Variants in FAT2 observed in about 807,000 individuals in gnomAD.
The protein encoded by FAT2 is FAT atypical cadherin 2, also known as protocadherin Fat 2.
In FAT2, 150 loss-of-function variants were observed where a neutral mutation model predicts 295.3. That is an observed-to-expected ratio of 0.51 (90% CI 0.44 to 0.58). The LOEUF (loss-of-function observed/expected upper bound fraction) is 0.58. Ranked by LOEUF, FAT2 falls within the 20% of genes least tolerant of loss-of-function variation. FAT2 has a pLI of 0.00. For synonymous variants in FAT2, 2,026 were observed against 2,150.3 expected, an observed-to-expected ratio of 0.94 and a Z score of 1.60; for missense variants, 4,868 against 5,442.7, an observed-to-expected ratio of 0.89 and a Z score of 3.32.
intron 4 of FAT2, 21 bp from the exon 5 acceptor site, chr5:151,554,694 G>A (rs2127631885): frequency 1.3e-6 from 2 of 1,585,024 alleles, no homozygotes; most frequent in Non-Finnish European, 1.7e-6. Context: ...AATTGAGCAT[G>A]AGCACCTGAG....
Position 151,567,064 on chromosome 5 carries a change from C to A in FAT2, c.1868G>T (p.Arg623Leu). 1 of 1,613,828 alleles carries A rather than the reference C, an allele frequency of 6.2e-7. No individual in the cohort carries two copies. Among genetic ancestry groups the A allele is most frequent in the African/African-American group, 1.3e-5 (1 of 74,970 alleles). The change falls in exon 2 of 24, where the codon CGC becomes CTC. Residue 623 changes from arginine (R) to leucine (L), a missense_variant. Physicochemically the swap from Arg to Leu is moderately radical, Grantham distance 102. This residue lies in a region of FAT2 where 3,297 missense variants were observed against 3,669.4 expected (regional missense o/e 0.90). Transcript: ENST00000261800. ...ACCAGCAGTAAGATTGATAAAAGGG[C>A]GTTTGAGGGATATCACTCCGGAGAA... ...NHFSGVISLK[R>L]PFINLTAGQP...
intron 22 of FAT2, chr5:151,509,703 G>A: frequency 4.1e-6 from 1 of 244,546 alleles, no homozygotes; most frequent in Non-Finnish European, 8.0e-6. Flanking sequence ...CTACGTTATG[G>A]TGAGTTGTAT....
intron 3 of FAT2, among the ~76,000 whole-genome samples, chr5:151,558,776 G>A (rs1757895646): frequency 6.6e-6 from 1 of 152,178 alleles, no homozygotes; most frequent in Non-Finnish European, 1.5e-5. Context: ...GATAAATAGA[G>A]AGGGGGCTCC....
rs146336886 is a variant in FAT2 at position 151,540,370 on chromosome 5, C to T, written c.9039+197G>A. On this transcript the variant is annotated intron_variant, in intron 11 of 23. Transcript: ENST00000261800. ...TTTCTCCTGCCCCTCACTCTCTGTT[C>T]TCCTGCCCCTCAATCTCCCTTCTCC... Among the ~76,000 whole-genome samples the T allele has an allele frequency of 3.0e-3, 462 of 151,610 alleles. 3 individuals are homozygous for T. Among genetic ancestry groups the T allele is most frequent in the African/African-American group, 0.01 (429 of 41,256 alleles).
At position 151,566,484 on chromosome 5, in the gene FAT2, G is replaced by C. The variant is rs142781014; in HGVS notation, c.2448C>G (p.Asn816Lys). 1 of 1,613,868 alleles carries C rather than the reference G, an allele frequency of 6.2e-7. No homozygotes were observed. Among genetic ancestry groups the C allele is most frequent in the South Asian group, 1.1e-5 (1 of 91,034 alleles). ...ACCCACCGGGAGGAAATCTGGGTGC[G>C]TTGTCATTCCAGTCTTTCACATTCA... Reference protein sequence around the residue: ...LTVNVKDWNDNAPRFPPGGYQ... With the variant: ...LTVNVKDWNDKAPRFPPGGYQ... The change falls in exon 2 of 24, where the codon AAC becomes AAG. Residue 816 changes from asparagine (N) to lysine (K), a missense_variant. Asn to Lys is a moderately conservative substitution (Grantham distance 94, BLOSUM62 0). This residue lies in a region of FAT2 where 3,297 missense variants were observed against 3,669.4 expected (regional missense o/e 0.90). Transcript: ENST00000261800.
rs1760667543 is a variant in FAT2 at position 151,504,151 on chromosome 5, T to TGTCA, written c.*1410_*1413dup. The stretch of plus-strand genomic sequence containing the variant: ...AAAATGACCAATGAAACTATGTATC[T>TGTCA]GTCACTCACACTCACAGTCACACAC... On this transcript the variant is annotated 3_prime_UTR_variant, in exon 24 of 24. Coordinates refer to ENST00000261800, the MANE Select transcript of FAT2 (RefSeq NM_001447.3). 1 of 152,560 alleles carries TGTCA rather than the reference T, an allele frequency of 6.6e-6. No homozygotes were observed. The highest frequency in any genetic ancestry group is 6.5e-5 in the Admixed American group (1 of 15,278). The allele number at this position is 152,560 out of a possible 1,614,324, so 9.5% of individuals were successfully genotyped here.
Position 151,565,661 on chromosome 5 carries a change from CA to C in FAT2, c.3259+11del. The stretch of plus-strand genomic sequence containing the variant: ...CTGGCCCTGGCACCCCACCCTACCC[CA>C]CCCCCAGTACCTGTATCTTGGTTGA... On this transcript the variant is annotated intron_variant, in intron 2 of 23. Coordinates refer to ENST00000261800, the MANE Select transcript of FAT2 (RefSeq NM_001447.3). 10 of 1,550,194 alleles carry C rather than the reference CA, an allele frequency of 6.5e-6. No homozygotes were observed. The highest frequency in any genetic ancestry group is 1.4e-5 in the African/African-American group (1 of 73,506).
intron 12 of FAT2, 29 bp from the exon 13 acceptor site, chr5:151,534,671 T>C (rs1370645077): frequency 6.3e-7 from 1 of 1,583,116 alleles, no homozygotes; most frequent in South Asian, 1.1e-5. Context: ...AAAGTTGAGC[T>C]TTCTCTGGGG....
chr5:151,594,682 G>T (rs1256003323), upstream of FAT2, among the ~76,000 whole-genome samples: 2 of 152,116 alleles, frequency 1.3e-5, no homozygotes, highest in African/African-American at 4.8e-5. Context: ...TGAACTGGGT[G>T]AGCTCTTTCT....
Position 151,527,301 on chromosome 5 carries a change from A to C in FAT2, c.10241T>G (p.Ile3414Ser). The C allele has an allele frequency of 6.2e-7, 1 of 1,613,660 alleles. No homozygotes were observed. Residue 3414 changes from isoleucine to serine, a missense_variant, in exon 17 of 24, where the codon ATC becomes AGC. Physicochemically the swap from Ile to Ser is moderately radical, Grantham distance 142 (BLOSUM62 -2). Coordinates refer to ENST00000261800, the MANE Select transcript of FAT2 (RefSeq NM_001447.3). ...PPLHEDTDIA[I>S]QVADVNDNPP... The stretch of plus-strand genomic sequence containing the variant: ...GTTATCATTGACATCAGCCACTTGG[A>C]TAGCGATGTCTGTGTCCTCATGCAG...
In FAT2 at chr5:151,525,946, C is replaced by G. The variant is rs766740854; in HGVS notation, c.10328G>C (p.Ser3443Thr). The change falls in exon 18 of 24, where the codon AGC (serine) becomes ACC (threonine). Residue 3443 changes from serine (S) to threonine (T), a missense_variant. By Grantham distance (58) the Ser-to-Thr change is moderately conservative. This residue lies in a region of FAT2 where 1,046 missense variants were observed against 1,210.1 expected (regional missense o/e 0.86). Coordinates refer to ENST00000261800, the MANE Select transcript of FAT2 (RefSeq NM_001447.3). ...ACTCAGGATCAGCTGCAGGACTTTG[C>G]TGCCAATGGGGGAGTTCTCCTGAGA... ...TTVQENSPIG[S>T]KVLQLILSDP... 6.2e-7 allele frequency: 1 copy of G among 1,614,132 alleles called. No homozygotes were observed. Among genetic ancestry groups the G allele is most frequent in the South Asian group, 1.1e-5 (1 of 91,058 alleles).
intron 14 of FAT2, among the ~76,000 whole-genome samples, chr5:151,529,884 T>C (rs1488874559): frequency 6.6e-6 from 1 of 152,168 alleles, no homozygotes; most frequent in African/African-American, 2.4e-5. Flanking sequence ...TTCTGAAAAC[T>C]GGAAAAAAGA....
upstream of FAT2, among the ~76,000 whole-genome samples, chr5:151,593,339 C>T (rs148166771): frequency 3.0e-3 from 451 of 152,282 alleles, 4 homozygotes; most frequent in African/African-American, 0.01. Context: ...GCCTGTCCAG[C>T]GCAGGGACTG....
chr5:151,507,127 A>G, intron 23 of FAT2, 27 bp downstream of exon 23: 1 of 1,522,136 alleles, frequency 6.6e-7, no homozygotes, highest in South Asian at 1.3e-5. Flanking sequence ...TCAATCCCAG[A>G]GGCTAAGCGT....
chr5:151,591,336 C>T (rs552045768), upstream of FAT2, among the ~76,000 whole-genome samples: 1 of 152,264 alleles, frequency 6.6e-6, no homozygotes, highest in East Asian at 1.9e-4. Context: ...TGTGTCCCAG[C>T]CCAGGAGGAG....
Position 151,586,450 on chromosome 5 carries a change from C to G in FAT2, c.-21+4715G>C, listed in dbSNP as rs141016413. ...TTTTGCAGACCTACACTGGAAAATGCTTATGACATCGCCCCTTTCAGGAAG... is the reference window on the plus strand; with the variant it reads ...TTTTGCAGACCTACACTGGAAAATGGTTATGACATCGCCCCTTTCAGGAAG... On this transcript the variant is annotated intron_variant, in intron 1 of 23. Transcript: ENST00000261800. Among the ~76,000 whole-genome samples, 82 of 152,270 alleles carry G rather than the reference C, an allele frequency of 5.4e-4. 1 individual carries two copies. In the East Asian group the frequency reaches 0.014, roughly 26 times the overall value.
chr5:151,552,715 T>C (rs2127625565), intron 6 of FAT2, among the ~76,000 whole-genome samples: 1 of 152,326 alleles, frequency 6.6e-6, no homozygotes, highest in South Asian at 2.1e-4. Context: ...AGAGCCCGGA[T>C]CCAAGTGCCT....
intron 1 of FAT2, among the ~76,000 whole-genome samples, chr5:151,575,786 C>T (rs13166858): frequency 0.46 from 70,188 of 151,998 alleles, 16,304 homozygotes; most frequent in Middle Eastern, 0.5. Context: ...TCTAGAGCTG[C>T]GCTTTCCAGC....
Position 151,556,361 on chromosome 5 carries a change from C to T in FAT2, c.3616G>A (p.Asp1206Asn), listed in dbSNP as rs1166003463. Reference sequence around the variant, plus strand: ...TTACTTACCTCCAGGATGTGTTCATCCTTGTTCTCTCTGTCCAGCTGCTGG... The same window carrying T: ...TTACTTACCTCCAGGATGTGTTCATTCTTGTTCTCTCTGTCCAGCTGCTGG... The part of the protein sequence containing the change: ...TAQQLDRENK[D>N]EHILEVTVLD... The change falls in exon 4 of 24, where the codon GAT (aspartate) becomes AAT (asparagine). Residue 1206 changes from aspartate to asparagine, a missense_variant. Coordinates refer to ENST00000261800, the MANE Select transcript of FAT2 (RefSeq NM_001447.3). 2 of 1,613,888 alleles carry T rather than the reference C, an allele frequency of 1.2e-6. No homozygotes were observed. Among genetic ancestry groups the T allele is most frequent in the Non-Finnish European group, 8.5e-7 (1 of 1,179,814 alleles).
Sources: allele counts gnomAD v4.1 joint callset (sites outside exome capture counted in the v4.1 genomes callset), GRCh38; gene constraint gnomAD v4.1.1; regional missense constraint gnomAD v4.1.1; transcripts MANE v1.5; gene names NCBI Gene and HGNC (gene_info 2026-07-23, HGNC 2026-07-21).